FBRSL1: variants seen among roughly 807,000 people sequenced by gnomAD.
The protein encoded by FBRSL1 is fibrosin like 1.
Under a neutral mutation model 89.6 loss-of-function variants are expected in FBRSL1, and 51 were observed. That is an observed-to-expected ratio of 0.57 (90% CI 0.45 to 0.72). The LOEUF is 0.72. Ranked by LOEUF, FBRSL1 falls within the 30% of genes least tolerant of loss-of-function variation. The pLI, the probability that FBRSL1 is intolerant of heterozygous loss-of-function variation, is 0.00. For synonymous variants in FBRSL1, 779 were observed against 681.1 expected, an observed-to-expected ratio of 1.14 and a Z score of -2.24; for missense variants, 1,618 against 1,451.8, an observed-to-expected ratio of 1.11 and a Z score of -1.86.
chr12:132,583,522 A>G lies in FBRSL1; in HGVS notation c.2753A>G (p.Asp918Gly). The G allele has an allele frequency of 2.9e-6, 3 of 1,046,510 alleles. No individual in the cohort carries two copies. The highest frequency in any genetic ancestry group is 2.9e-5 in the South Asian group (1 of 34,114). The allele number at this position is 1,046,510 out of a possible 1,614,324, so 64.8% of individuals were successfully genotyped here. Residue 918 changes from aspartate to glycine, a missense_variant, in exon 19 of 19, where the codon GAC (aspartate) becomes GGC (glycine). Physicochemically the swap from Asp to Gly is moderately conservative, Grantham distance 94. Coordinates refer to ENST00000680143, the MANE Select transcript of FBRSL1 (RefSeq NM_001367871.1). Reference protein sequence around the residue: ...PHLPPAAPALDGALLPSLGAL... With the variant: ...PHLPPAAPALGGALLPSLGAL... ...CTGCCGCCCGCCGCCCCCGCCTTGG[A>G]CGGCGCGCTGCTGCCCTCGCTGGGA...
intron 4 of FBRSL1, among the ~76,000 whole-genome samples, chr12:132,537,625 A>G (rs993654302): frequency 2.0e-5 from 3 of 152,174 alleles, no homozygotes; most frequent in Admixed American, 1.3e-4. Context: ...CTGGAATTGT[A>G]TTGGGGCTGG....
chr12:132,503,159 G>T (rs866849537), intron 1 of FBRSL1, among the ~76,000 whole-genome samples: 1 of 147,528 alleles, frequency 6.8e-6, no homozygotes, highest in African/African-American at 2.5e-5. Flanking sequence ...CCCCTAGAGT[G>T]CAGCCACATG....
chr12:132,582,986 G>T lies in FBRSL1; in HGVS notation c.2217G>T (p.Lys739Asn). ...KEEQERDLLE[K>N]TRLLSRASPA... ...CCGCCCCCAGGGACCTCCTGGAGAAGACGCGCCTGCTGAGCCGGGCCTCGC... is the reference window on the plus strand; with the variant it reads ...CCGCCCCCAGGGACCTCCTGGAGAATACGCGCCTGCTGAGCCGGGCCTCGC... The change falls in exon 19 of 19, where the codon AAG becomes AAT. Residue 739 changes from lysine (K) to asparagine (N), a missense_variant. Physicochemically the swap from Lys to Asn is moderately conservative, Grantham distance 94. Coordinates refer to ENST00000680143, the MANE Select transcript of FBRSL1 (RefSeq NM_001367871.1). The T allele has an allele frequency of 1.4e-6, 2 of 1,443,388 alleles. No homozygotes were observed. Among genetic ancestry groups the T allele is most frequent in the Non-Finnish European group, 1.8e-6 (2 of 1,106,402 alleles). The allele number at this position is 1,443,388 out of a possible 1,614,324, so 89.4% of individuals were successfully genotyped here. A position where few individuals can be genotyped will look rare whatever the true frequency, so the allele number is the denominator to read the frequency against.
At chr12:132,531,764 T>A (rs1412445312) in intron 4 of FBRSL1, among the ~76,000 whole-genome samples, 4 of 152,226 alleles carry the variant, frequency 2.6e-5, no homozygotes, top group Non-Finnish European at 5.9e-5. Flanking sequence ...TCCAGCCTAA[T>A]GAGAAGGCAC....
At position 132,557,095 on chromosome 12, in the gene FBRSL1, T is replaced by C. The variant is rs1477909303; in HGVS notation, c.645+9063T>C. On this transcript the variant is annotated intron_variant, in intron 5 of 18. Transcript: ENST00000680143. Reference sequence around the variant, plus strand: ...ATGGCTGAGAGGACCCTGTGTGCTCTGCACTCCTGGTTAATGGTTGGGGCC... The same window carrying C: ...ATGGCTGAGAGGACCCTGTGTGCTCCGCACTCCTGGTTAATGGTTGGGGCC... Among the ~76,000 whole-genome samples the C allele has an allele frequency of 2.0e-5, 3 of 152,324 alleles. No individual in the cohort carries two copies. The East Asian group carries it at 5.8e-4, about 29-fold the overall frequency.
chr12:132,583,013 C>T lies in FBRSL1; in HGVS notation c.2244C>T (p.Pro748=). The change falls in exon 19 of 19, where the codon CCC becomes CCT. Residue 748 remains proline, a synonymous_variant. Transcript: ENST00000680143. The stretch of plus-strand genomic sequence containing the variant: ...CGCGCCTGCTGAGCCGGGCCTCGCC[C>T]GCCACCCCCGCTGGCCACCCCGTCA... The part of the protein sequence containing the change: ...EKTRLLSRAS[P]ATPAGHPVSG... 2 of 1,456,204 alleles carry T rather than the reference C, an allele frequency of 1.4e-6. No individual in the cohort carries two copies. The highest frequency in any genetic ancestry group is 1.3e-5 in the South Asian group (1 of 75,650). 90.2% of individuals were successfully genotyped at this position (1,456,204 alleles called of 1,614,324 possible). A position where few individuals can be genotyped will look rare whatever the true frequency, so the allele number is the denominator to read the frequency against.
chr12:132,579,243 C>T (rs900577946), intron 15 of FBRSL1, among the ~76,000 whole-genome samples: 1 of 152,226 alleles, frequency 6.6e-6, no homozygotes, highest in African/African-American at 2.4e-5. Context: ...AACTTTCAAT[C>T]TGCCTGTTAG....
chr12:132,523,439 C>T (rs968924338), intron 2 of FBRSL1, among the ~76,000 whole-genome samples: 5 of 152,106 alleles, frequency 3.3e-5, no homozygotes, highest in African/African-American at 7.2e-5. Flanking sequence ...GGCAGCCCAC[C>T]GAGCCCCTCT....
At chr12:132,510,486 T>C (rs1176723380) in intron 2 of FBRSL1, 3 of 1,231,778 alleles carry the variant, frequency 2.4e-6, no homozygotes, top group Non-Finnish European at 3.0e-6. Context: ...TCCAGCCCAC[T>C]CCAGTGTGAT....
chr12:132,523,318 C>T (rs370775182), intron 2 of FBRSL1, among the ~76,000 whole-genome samples: 2 of 152,100 alleles, frequency 1.3e-5, no homozygotes, highest in Admixed American at 6.5e-5. Context: ...TTTTTCGAGA[C>T]GTGGGACTTT....
chr12:132,569,437 G>A (rs567501995), intron 6 of FBRSL1, among the ~76,000 whole-genome samples: 10 of 152,250 alleles, frequency 6.6e-5, no homozygotes, highest in South Asian at 2.1e-4. Context: ...AGCTGTGGGC[G>A]CTGCTGTTGG....
intron 1 of FBRSL1, among the ~76,000 whole-genome samples, chr12:132,500,386 C>T (rs971217000): frequency 6.6e-6 from 1 of 152,154 alleles, no homozygotes; most frequent in Non-Finnish European, 1.5e-5. Context: ...ACACTGCTGG[C>T]GAGTGGCTGA....
intron 4 of FBRSL1, among the ~76,000 whole-genome samples, chr12:132,543,787 G>A (rs1276758949): frequency 6.6e-6 from 1 of 152,226 alleles, no homozygotes; most frequent in Non-Finnish European, 1.5e-5. Context: ...GGGGTGGTTG[G>A]GGAAGCCACT....
intron 2 of FBRSL1, chr12:132,509,611 G>C: frequency 2.4e-6 from 3 of 1,231,680 alleles, no homozygotes; most frequent in Non-Finnish European, 3.0e-6. Context: ...CTGGCCCCAC[G>C]GTCCCTCCTG....
intron 18 of FBRSL1, among the ~76,000 whole-genome samples, chr12:132,582,598 C>T (rs1461986939): frequency 2.0e-5 from 3 of 151,970 alleles, no homozygotes; most frequent in South Asian, 4.2e-4. Flanking sequence ...AAGACCCCAC[C>T]ACAGGCACCC....
chr12:132,524,562 C>T (rs1276608659), intron 2 of FBRSL1, among the ~76,000 whole-genome samples: 1 of 152,210 alleles, frequency 6.6e-6, no homozygotes, highest in Non-Finnish European at 1.5e-5. Context: ...AGTCCTGGGA[C>T]GGGTTTCCCC....
chr12:132,563,941 C>T (rs2039374768), intron 5 of FBRSL1, among the ~76,000 whole-genome samples: 1 of 146,974 alleles, frequency 6.8e-6, no homozygotes, highest in Non-Finnish European at 1.5e-5. Flanking sequence ...TGACACATAC[C>T]TACGTCTGTA....
rs934282642 is a variant in FBRSL1, at chr12:132,499,214, ATGGTGCCGGGCAGGGG to A, written c.291+8376_291+8391del. Among the ~76,000 whole-genome samples, 73 of 151,642 alleles carry A rather than the reference ATGGTGCCGGGCAGGGG, an allele frequency of 4.8e-4. 1 individual carries two copies. The highest frequency in any genetic ancestry group is 1.2e-3 in the African/African-American group (51 of 41,350). The stretch of plus-strand genomic sequence containing the variant: ...AGCCTCCAGGGCCGGCCAGGCAGGG[ATGGTGCCGGGCAGGGG>A]TGGTGCCGGGCAGGGGTGGTGCTGG... On this transcript the variant is annotated intron_variant, in intron 1 of 18. Coordinates refer to ENST00000680143, the MANE Select transcript of FBRSL1 (RefSeq NM_001367871.1). The surrounding 1 kb of genome is among the most constrained non-coding windows in gnomAD (Gnocchi z 4.3).
chr12:132,583,640 C>G lies in FBRSL1; in HGVS notation c.2871C>G (p.Pro957=). ...CCGCCGCCGCCCTCGGCGCACCGCC[C>G]CCCCTGGTGACGGCGGCCGGGCCCC... ...PPAAAALGAP[P]PLVTAAGPPT... Residue 957 remains proline (P), a synonymous_variant, in exon 19 of 19, where the codon CCC becomes CCG. Coordinates refer to ENST00000680143, the MANE Select transcript of FBRSL1 (RefSeq NM_001367871.1). The G allele has an allele frequency of 2.0e-6, 2 of 1,010,930 alleles. No individual in the cohort carries two copies. The highest frequency in any genetic ancestry group is 2.4e-6 in the Non-Finnish European group (2 of 846,704). 62.6% of individuals were successfully genotyped at this position (1,010,930 alleles called of 1,614,324 possible).
Sources: allele counts gnomAD v4.1 joint callset (sites outside exome capture counted in the v4.1 genomes callset), GRCh38; gene constraint gnomAD v4.1.1; non-coding constraint Gnocchi (gnomAD v3.1); transcripts MANE v1.5; gene names NCBI Gene and HGNC (gene_info 2026-07-23, HGNC 2026-07-21).